Variants in PKD2L1 observed in about 807,000 individuals in gnomAD.
PKD2L1 encodes the protein polycystin 2 like 1, transient receptor potential cation channel, also known as polycystin-2-like protein 1.
A neutral mutation model predicts 93.0 loss-of-function variants in PKD2L1; 77 were observed. The observed-to-expected ratio is 0.83, with a 90% CI of 0.69 to 1.00. The LOEUF (loss-of-function observed/expected upper bound fraction) is 1.00. Ranked by LOEUF, PKD2L1 falls within the 50% of genes least tolerant of loss-of-function variation. The probability of loss-of-function intolerance (pLI) is 0.00; values close to 1 mark genes in which losing one functional copy is unlikely to be tolerated. For synonymous variants in PKD2L1, 390 were observed against 388.0 expected (o/e 1.01, Z -0.06); for missense variants, 977 against 990.9 (o/e 0.99, Z 0.19).
chr10:100,313,641 C>T (rs865774991), intron 2 of PKD2L1, among the ~76,000 whole-genome samples: 1 of 152,082 alleles, frequency 6.6e-6, no homozygotes, highest in Non-Finnish European at 1.5e-5. Context: ...TCGATTCTCT[C>T]TGGAGTTACT....
chr10:100,313,507 A>G (rs1321806273), intron 2 of PKD2L1, among the ~76,000 whole-genome samples: 3 of 152,230 alleles, frequency 2.0e-5, no homozygotes, highest in African/African-American at 4.8e-5. Flanking sequence ...TGATTTTACT[A>G]TACAGAAGTC....
intron 14 of PKD2L1, among the ~76,000 whole-genome samples, chr10:100,289,612 G>C (rs1848358707): frequency 6.6e-6 from 1 of 152,052 alleles, no homozygotes; most frequent in Admixed American, 6.5e-5. Context: ...CACCATGAAA[G>C]GGCACAGCAA....
rs1473505405 is a variant in PKD2L1 at position 100,321,774 on chromosome 10, G to A, written c.349+7437C>T. On this transcript the variant is annotated intron_variant, in intron 2 of 15. Transcript: ENST00000318222. ...AAGAAAGAAGGGAGGGAGGGAGGGAGGGAGGGAGGGAGGGAGGGAGGGAGG... is the reference window on the plus strand; with the variant it reads ...AAGAAAGAAGGGAGGGAGGGAGGGAAGGAGGGAGGGAGGGAGGGAGGGAGG... Among the ~76,000 whole-genome samples, 9 of 3,600 alleles carry A rather than the reference G, an allele frequency of 2.5e-3. 2 individuals carry two copies. The highest frequency in any genetic ancestry group is 0.011 in the African/African-American group (9 of 838). The allele number at this position is 3,600 out of a possible 152,430, so 2.4% of individuals were successfully genotyped here.
At chr10:100,311,600 G>A (rs1333690017) in intron 2 of PKD2L1, among the ~76,000 whole-genome samples, 1 of 152,140 alleles carries the variant, frequency 6.6e-6, no homozygotes, top group Non-Finnish European at 1.5e-5. Flanking sequence ...GACTTCAGTC[G>A]GAAACTTTGT....
chr10:100,303,966 G>A (rs972373941), intron 2 of PKD2L1, among the ~76,000 whole-genome samples: 14 of 152,112 alleles, frequency 9.2e-5, no homozygotes, highest in East Asian at 1.9e-4. Context: ...AACATTGCTC[G>A]GAGAAATAAC....
chr10:100,325,338 C>T (rs955509468), intron 2 of PKD2L1, among the ~76,000 whole-genome samples: 3 of 152,150 alleles, frequency 2.0e-5, no homozygotes, highest in African/African-American at 7.2e-5. Flanking sequence ...AGAGCTGAGA[C>T]ATCAGCGGGG....
At chr10:100,296,818 A>T (rs1483009416) in intron 6 of PKD2L1, among the ~76,000 whole-genome samples, 162 bp downstream of exon 6, 1 of 151,728 alleles carries the variant, frequency 6.6e-6, no homozygotes, top group Non-Finnish European at 1.5e-5. Flanking sequence ...GGGCTGAGAG[A>T]GGGGAACATG....
intron 2 of PKD2L1, among the ~76,000 whole-genome samples, chr10:100,302,310 A>C (rs1485617357): frequency 2.0e-5 from 3 of 151,630 alleles, no homozygotes; most frequent in African/African-American, 7.3e-5. Flanking sequence ...GATTCTTGGC[A>C]GCTTTTCTTC....
At chr10:100,297,233 T>A in intron 5 of PKD2L1, 25 bp from the exon 6 acceptor site, 1 of 1,604,678 alleles carries the variant, frequency 6.2e-7, no homozygotes, top group Non-Finnish European at 8.5e-7. Flanking sequence ...GGAGATGACC[T>A]CCAGTGGAGC....
chr10:100,294,419 CA>C (rs2134379057), intron 9 of PKD2L1, 115 bp downstream of exon 9: 2 of 1,083,662 alleles, frequency 1.8e-6, no homozygotes, highest in African/African-American at 1.6e-5. Context: ...TCGGCCCCCC[CA>C]CTCACTCTCC....
At chr10:100,326,079 C>A (rs1012144225) in intron 2 of PKD2L1, among the ~76,000 whole-genome samples, 1 of 152,184 alleles carries the variant, frequency 6.6e-6, no homozygotes, top group East Asian at 1.9e-4. Flanking sequence ...ATATCCTTAG[C>A]ACAGGACTAT....
intron 12 of PKD2L1, among the ~76,000 whole-genome samples, chr10:100,290,743 T>C (rs991382889): frequency 6.6e-6 from 1 of 152,142 alleles, no homozygotes; most frequent in African/African-American, 2.4e-5. Flanking sequence ...CCTAGAAGGC[T>C]TGATGGATGA....
chr10:100,297,631 C>A, intron 4 of PKD2L1, 25 bp from the exon 5 acceptor site: 1 of 1,584,398 alleles, frequency 6.3e-7, no homozygotes, highest in East Asian at 2.2e-5. Context: ...GCCAGCTGAG[C>A]CAGCCCAAAA....
At chr10:100,317,493 CA>C (rs1196441520) in intron 2 of PKD2L1, among the ~76,000 whole-genome samples, 70 of 152,072 alleles carry the variant, frequency 4.6e-4, no homozygotes, top group African/African-American at 1.6e-3. Flanking sequence ...GAGCCCTGAT[CA>C]CAGCACTGTA....
chr10:100,290,080 C>T lies in PKD2L1; in HGVS notation c.2185G>A (p.Asp729Asn), dbSNP rs199920556. The T allele has an allele frequency of 9.9e-6, 16 of 1,614,028 alleles. No homozygotes were observed. The highest frequency in any genetic ancestry group is 1.4e-5 in the Non-Finnish European group (16 of 1,180,004). The change falls in exon 14 of 16, where the codon GAT (aspartate) becomes AAT (asparagine). Residue 729 changes from aspartate (D) to asparagine (N), a missense_variant. Physicochemically the swap from Asp to Asn is conservative, Grantham distance 23. Transcript: ENST00000318222. Reference sequence around the variant, plus strand: ...ATTTTCAGCTTTGAGCCTACAGCATCAATCTGGGACACTACTCCTTCCAGG... The same window carrying T: ...ATTTTCAGCTTTGAGCCTACAGCATTAATCTGGGACACTACTCCTTCCAGG... ...TVLEGVVSQI[D>N]AVGSKLKMLE...
intron 2 of PKD2L1, among the ~76,000 whole-genome samples, chr10:100,327,592 T>C (rs940852397): frequency 2.0e-5 from 3 of 152,228 alleles, no homozygotes. Context: ...AAGTCATTTA[T>C]AGAGAAAGGC....
intron 7 of PKD2L1, 132 bp from the exon 8 acceptor site, chr10:100,295,255 G>C: frequency 1.4e-6 from 1 of 697,790 alleles, no homozygotes; most frequent in South Asian, 1.8e-5. Context: ...TATTGAAGAA[G>C]GGAGAATGAT....
chr10:100,297,439 A>G lies in PKD2L1; in HGVS notation c.899T>C (p.Val300Ala), dbSNP rs201997652. The G allele has an allele frequency of 2.0e-5, 32 of 1,613,966 alleles. No homozygotes were observed. In the Admixed American group the frequency reaches 2.0e-4, roughly 10 times the overall value. The part of the protein sequence containing the change: ...EGLWLDRGTR[V>A]VFIDFSVYNA... ...GTAGACTGAGAAGTCGATGAACACC[A>G]CTCGAGTGCCCCTGTCCAGCCACAG... is the stretch of plus-strand genomic sequence containing the variant. The change falls in exon 5 of 16, where the codon GTG (valine) becomes GCG (alanine). Residue 300 changes from valine (V) to alanine (A), a missense_variant. Physicochemically the swap from Val to Ala is moderately conservative, Grantham distance 64 (BLOSUM62 0). Transcript: ENST00000318222.
At chr10:100,310,692 A>C (rs1848913891) in intron 2 of PKD2L1, among the ~76,000 whole-genome samples, 1 of 152,278 alleles carries the variant, frequency 6.6e-6, no homozygotes, top group South Asian at 2.1e-4. Context: ...AAAGAGTCAA[A>C]TGAAAAGTAG....
Sources: allele counts gnomAD v4.1 joint callset (sites outside exome capture counted in the v4.1 genomes callset), GRCh38; gene constraint gnomAD v4.1.1; transcripts MANE v1.5; gene names NCBI Gene and HGNC (gene_info 2026-07-23, HGNC 2026-07-21).